Variants in DOCK4 observed in about 807,000 individuals in gnomAD.
DOCK4 encodes dedicator of cytokinesis protein 4.
In DOCK4, 97 loss-of-function variants were observed where a neutral mutation model predicts 268.1. The ratio of observed to expected loss-of-function variants is 0.36; its 90% CI spans 0.31 to 0.43. The LOEUF is 0.43. Among genes scored for constraint, DOCK4 ranks in the 20% least tolerant of loss-of-function variants. The pLI is 1.00. For synonymous variants in DOCK4, 954 were observed against 887.2 expected (o/e 1.08, Z -1.34); for missense variants, 2,145 against 2,455.7 (o/e 0.87, Z 2.67).
At chr7:111,782,614 C>T (rs1343786437) in intron 35 of DOCK4, among the ~76,000 whole-genome samples, 1 of 152,076 alleles carries the variant, frequency 6.6e-6, no homozygotes, top group African/African-American at 2.4e-5. Flanking sequence ...CTCTGGGATC[C>T]CACACGGGTC....
chr7:111,865,605 A>G (rs1805908945), intron 22 of DOCK4, among the ~76,000 whole-genome samples: 1 of 152,240 alleles, frequency 6.6e-6, no homozygotes, highest in African/African-American at 2.4e-5. Flanking sequence ...TGTTCCTGTG[A>G]TTACATAATG....
At chr7:111,758,553 A>G in intron 41 of DOCK4, 71 bp downstream of exon 41, 1 of 1,524,658 alleles carries the variant, frequency 6.6e-7, no homozygotes, top group Non-Finnish European at 9.0e-7. Flanking sequence ...GTAAATATTT[A>G]CCAAGGGCTG....
intron 37 of DOCK4, among the ~76,000 whole-genome samples, chr7:111,767,760 A>C (rs1797855191): frequency 6.6e-6 from 1 of 152,100 alleles, no homozygotes; most frequent in African/African-American, 2.4e-5. Context: ...CAGAGGAGAG[A>C]ATTACCACTG....
intron 1 of DOCK4, chr7:112,023,535 T>C (rs1802521285): frequency 2.6e-6 from 1 of 390,212 alleles, no homozygotes; most frequent in African/African-American, 2.1e-5. Context: ...CAACATTAGA[T>C]GACATCATGC....
At chr7:112,041,003 C>A (rs571457339) in intron 1 of DOCK4, among the ~76,000 whole-genome samples, 3 of 151,856 alleles carry the variant, frequency 2.0e-5, no homozygotes, top group African/African-American at 7.3e-5. Flanking sequence ...ACGTTTTTGA[C>A]AAATGATCAA....
At chr7:112,140,377 T>C (rs926059965) in intron 1 of DOCK4, among the ~76,000 whole-genome samples, 3 of 152,128 alleles carry the variant, frequency 2.0e-5, no homozygotes, top group Admixed American at 1.3e-4. Flanking sequence ...TCTTCAGCAG[T>C]TGAATATGTT....
chr7:111,881,193 C>G (rs1199676576), intron 16 of DOCK4, among the ~76,000 whole-genome samples: 1 of 152,068 alleles, frequency 6.6e-6, no homozygotes. Context: ...GGATTAATAA[C>G]AGAATATATA....
chr7:112,088,475 A>T (rs1809325663), intron 1 of DOCK4, among the ~76,000 whole-genome samples: 1 of 152,160 alleles, frequency 6.6e-6, no homozygotes, highest in Admixed American at 6.6e-5. Flanking sequence ...ACACATAGAA[A>T]CACCCAAACT....
At chr7:111,796,178 G>T (rs1218219276) in intron 30 of DOCK4, among the ~76,000 whole-genome samples, 5 of 152,146 alleles carry the variant, frequency 3.3e-5, no homozygotes, top group African/African-American at 1.2e-4. Context: ...ACAGGAGGCG[G>T]GCTGATTTTA....
At chr7:112,189,746 GTTTTTT>G (rs57399750) in intron 1 of DOCK4, among the ~76,000 whole-genome samples, 1 of 95,776 alleles carries the variant, frequency 1.0e-5, no homozygotes, top group Non-Finnish European at 1.9e-5. Context: ...TCTGGGTTTT[GTTTTTT>G]TTTTTTTTTT....
intron 13 of DOCK4, among the ~76,000 whole-genome samples, chr7:111,913,212 G>A (rs981058244): frequency 1.3e-5 from 2 of 151,562 alleles, no homozygotes; most frequent in Admixed American, 1.3e-4. Context: ...TGATCTACCC[G>A]CCTCAGCCTC....
chr7:112,156,048 C>T (rs2523011), intron 1 of DOCK4, among the ~76,000 whole-genome samples: 104,803 of 152,066 alleles, frequency 0.69, 36,404 homozygotes, highest in East Asian at 0.85. Context: ...ACAGGGCTCG[C>T]AGACCTCGAG....
In DOCK4 at chr7:111,776,847, G is replaced by T. The variant is rs763379985; in HGVS notation, c.3679+1429C>A. Among the ~76,000 whole-genome samples the T allele has an allele frequency of 5.1e-4, 78 of 151,976 alleles. 1 individual carries two copies. Among genetic ancestry groups the T allele is most frequent in the Non-Finnish European group, 5.6e-4 (38 of 68,034 alleles). On this transcript the variant is annotated intron_variant, in intron 36 of 52. Transcript: ENST00000428084. ...TCTTTTTATTATTTTTTGAGACAGGGTCGGGCTCTGTCTTCCAGGGTGGAG... is the reference window on the plus strand; with the variant it reads ...TCTTTTTATTATTTTTTGAGACAGGTTCGGGCTCTGTCTTCCAGGGTGGAG...
intron 1 of DOCK4, among the ~76,000 whole-genome samples, chr7:112,013,850 C>A (rs1479083875): frequency 6.9e-6 from 1 of 145,232 alleles, no homozygotes. Flanking sequence ...GAAGGCTTAG[C>A]CTGTACCCTA....
chr7:112,066,059 AG>A (rs1176503284), intron 1 of DOCK4, among the ~76,000 whole-genome samples: 3 of 152,142 alleles, frequency 2.0e-5, no homozygotes, highest in Admixed American at 2.0e-4. Context: ...GGCTAATTTT[AG>A]GTATCAACTT....
rs143956631 is a variant in DOCK4 at position 112,099,581 on chromosome 7, A to T, written c.38-95450T>A. On this transcript the variant is annotated intron_variant, in intron 1 of 52. Coordinates refer to ENST00000428084, the MANE Select transcript of DOCK4 (RefSeq NM_001363540.2). ...CTGACAACTCAGCAACTATCATAGCACATGGTCAGTATTCATTAAAATTGA... is the reference window on the plus strand; with the variant it reads ...CTGACAACTCAGCAACTATCATAGCTCATGGTCAGTATTCATTAAAATTGA... Among the ~76,000 whole-genome samples, 283 of 152,358 alleles carry T rather than the reference A, an allele frequency of 1.9e-3. 2 individuals carry two copies. The highest frequency in any genetic ancestry group is 4.6e-3 in the South Asian group (22 of 4,834).
At chr7:111,734,052 C>T (rs763490857) in intron 51 of DOCK4, among the ~76,000 whole-genome samples, 5 of 152,064 alleles carry the variant, frequency 3.3e-5, no homozygotes, top group Non-Finnish European at 5.9e-5. Context: ...ATTCTCCCAC[C>T]TAAGCCTCCC....
intron 30 of DOCK4, among the ~76,000 whole-genome samples, chr7:111,795,196 C>G (rs1284767996): frequency 6.6e-6 from 1 of 152,120 alleles, no homozygotes; most frequent in Non-Finnish European, 1.5e-5. Flanking sequence ...CAGCTGGGTA[C>G]AGTGGCACTC....
chr7:111,854,378 A>G (rs1804832161), intron 23 of DOCK4, among the ~76,000 whole-genome samples: 2 of 152,314 alleles, frequency 1.3e-5, no homozygotes, highest in Admixed American at 6.5e-5. Flanking sequence ...TGCCTGCTCA[A>G]TCGATCACGA....
Sources: allele counts gnomAD v4.1 joint callset (sites outside exome capture counted in the v4.1 genomes callset), GRCh38; gene constraint gnomAD v4.1.1; transcripts MANE v1.5; gene names NCBI Gene and HGNC (gene_info 2026-07-23, HGNC 2026-07-21).